Variants in TRAF6 observed in about 807,000 individuals in gnomAD.
TRAF6 encodes the protein TNF receptor associated factor 6.
Under a neutral mutation model 48.4 loss-of-function variants are expected in TRAF6, and 10 were observed. That is an observed-to-expected ratio of 0.21 (90% CI 0.13 to 0.35). The LOEUF (loss-of-function observed/expected upper bound fraction) is 0.35, where lower values mean the gene tolerates loss of function less well. TRAF6 is among the 10% of genes least tolerant of loss of function. The pLI is 1.00. For synonymous variants in TRAF6, 186 were observed against 219.6 expected, an observed-to-expected ratio of 0.85 and a Z score of 1.35; for missense variants, 397 against 661.0, an observed-to-expected ratio of 0.60 and a Z score of 4.38.
In TRAF6 at chr11:36,498,617, A is replaced by G; in HGVS notation, c.320T>C (p.Val107Ala). The G allele has an allele frequency of 1.9e-6, 3 of 1,613,042 alleles. No homozygotes were observed. Among genetic ancestry groups the G allele is most frequent in the South Asian group, 1.1e-5 (1 of 90,834 alleles). Residue 107 changes from valine to alanine, a missense_variant, in exon 3 of 7, where the codon GTT (valine) becomes GCT (alanine). Physicochemically the swap from Val to Ala is moderately conservative, Grantham distance 64. Coordinates refer to ENST00000526995, the MANE Select transcript of TRAF6 (RefSeq NM_004620.4). Reference protein sequence around the residue: ...SIRDAGHKCPVDNEILLENQL... With the variant: ...SIRDAGHKCPADNEILLENQL... ...ATTTTCCAGCAGTATTTCATTGTCA[A>G]CTGGACATTTGTGACCTGCATCCCT...
rs1859527430 is a variant in TRAF6, at chr11:36,489,118, T to A, written c.*720A>T. On this transcript the variant is annotated 3_prime_UTR_variant, in exon 7 of 7. Transcript: ENST00000526995. ...CCACGTGGTTCTCAGCATTATAAAC[T>A]CTGGGGAAGATGCTACTTCGTAACC... is the stretch of plus-strand genomic sequence containing the variant. 6.6e-6 allele frequency: 1 copy of A among 152,336 alleles called. No homozygotes were observed. Among genetic ancestry groups the A allele is most frequent in the African/African-American group, 2.4e-5 (1 of 41,440 alleles). The allele number at this position is 152,336 out of a possible 1,614,324, so 9.4% of individuals were successfully genotyped here.
chr11:36,491,688 T>TAGA (rs200798752), intron 6 of TRAF6, among the ~76,000 whole-genome samples: 1,707 of 152,326 alleles, frequency 0.011, 19 homozygotes, highest in East Asian at 0.02. Flanking sequence ...ATCTGTTTCT[T>TAGA]ATACTGTTTG....
At chr11:36,507,724 T>C (rs562806883) in intron 1 of TRAF6, among the ~76,000 whole-genome samples, 5 of 129,658 alleles carry the variant, frequency 3.9e-5, no homozygotes, top group African/African-American at 1.4e-4. Context: ...CACGCGCGTG[T>C]ATATATGTAT....
chr11:36,508,091 C>T (rs560195637), intron 1 of TRAF6, among the ~76,000 whole-genome samples: 22 of 152,052 alleles, frequency 1.4e-4, no homozygotes, highest in African/African-American at 5.3e-4. Context: ...TATCCTCCCA[C>T]CTCAGCCTCC....
At position 36,490,276 on chromosome 11, in the gene TRAF6, G is replaced by A; in HGVS notation, c.1131C>T (p.Ser377=). Residue 377 remains serine (S), a synonymous_variant, in exon 7 of 7, where the codon AGC becomes AGT. Transcript: ENST00000526995. The surrounding 1 kb of genome is among the most constrained non-coding windows in gnomAD (Gnocchi z 6.4). ...CGGGTTTGCCAGTGTAGAATCCAGG[G>A]CTATGAATCACAACAGGTTTCTCCT... The part of the protein sequence containing the change: ...QEEEKPVVIH[S]PGFYTGKPGY... 1.2e-6 allele frequency: 2 copies of A among 1,614,204 alleles called. No individual in the cohort carries two copies. Among genetic ancestry groups the A allele is most frequent in the Non-Finnish European group, 1.7e-6 (2 of 1,180,040 alleles).
intron 1 of TRAF6, 55 bp from the exon 2 acceptor site, chr11:36,501,592 C>CCACACATATATA: frequency 7.8e-7 from 1 of 1,276,168 alleles, no homozygotes; most frequent in South Asian, 1.5e-5. Context: ...CACTCACACC[C>CCACACATATATA]CACACATATA....
At chr11:36,494,230 C>A (rs539259836) in intron 5 of TRAF6, among the ~76,000 whole-genome samples, 2 of 151,936 alleles carry the variant, frequency 1.3e-5, no homozygotes, top group African/African-American at 4.8e-5. Flanking sequence ...AAAAATTAGC[C>A]GGGCATGGTG....
At position 36,485,579 on chromosome 11, in the gene TRAF6, GAA is replaced by G. The variant is rs34071999; in HGVS notation, c.*4257_*4258del. 0.73 allele frequency among the ~76,000 whole-genome samples: 111,078 copies of G among 151,940 alleles called. 43,438 individuals are homozygous for G. Among genetic ancestry groups the G allele is most frequent in the East Asian group, 0.94 (4,842 of 5,168 alleles). ...CTGCTGAGAAAGCACTCTGAGAGAA[GAA>G]AAGCAGCACCACATCTCTCATTTCC... On this transcript the variant is annotated 3_prime_UTR_variant, in exon 7 of 7. Transcript: ENST00000526995.
At chr11:36,506,192 G>C (rs931668749) in intron 1 of TRAF6, among the ~76,000 whole-genome samples, 13 of 151,446 alleles carry the variant, frequency 8.6e-5, no homozygotes, top group African/African-American at 2.7e-4. Flanking sequence ...GCTATAAAAT[G>C]AGGTATATCT....
In TRAF6 at chr11:36,501,267, C is replaced by T. The variant is rs565099358; in HGVS notation, c.249G>A (p.Thr83=). The T allele has an allele frequency of 8.7e-6, 14 of 1,612,812 alleles. No homozygotes were observed. In the East Asian group the frequency reaches 1.1e-4, roughly 13 times the overall value. Residue 83 remains threonine (T), a synonymous_variant, in exon 2 of 7, where the codon ACG becomes ACA. Transcript: ENST00000526995. ...CTTTGCAGAACCTATGGCCGCATGG[C>T]GTTTGCACTGCTTCTCGTAATGCCA... is the stretch of plus-strand genomic sequence containing the variant. ...CLMALREAVQ[T]PCGHRFCKAC... is the part of the protein sequence containing the mutation.
At chr11:36,503,571 C>G (rs907265916) in intron 1 of TRAF6, among the ~76,000 whole-genome samples, 1 of 152,146 alleles carries the variant, frequency 6.6e-6, no homozygotes, top group East Asian at 1.9e-4. Flanking sequence ...CACGAACCCC[C>G]GAGCCCGGCT....
rs1859537871 is a variant in TRAF6, at chr11:36,489,858, T to C, written c.1549A>G (p.Ser517Gly). ...GCAAGCTATACCCCTGCATCAGTAC[T>C]TCGTGGCTGAAAACCCTCCCTCCGA... ...SLRREGFQPR[S>G]TDAGV The change falls in exon 7 of 7, where the codon AGT (serine) becomes GGT (glycine). Residue 517 changes from serine to glycine, a missense_variant. Ser to Gly is a moderately conservative substitution (Grantham distance 56, BLOSUM62 0). Around this residue, in one of 4 missense-constraint regions of TRAF6, gnomAD observed 74 missense variants for 198.9 expected, o/e 0.37. Transcript: ENST00000526995. 6.2e-7 allele frequency: 1 copy of C among 1,613,924 alleles called. No individual in the cohort carries two copies. Among genetic ancestry groups the C allele is most frequent in the East Asian group, 2.2e-5 (1 of 44,882 alleles).
At chr11:36,508,139 G>A (rs985411165) in intron 1 of TRAF6, among the ~76,000 whole-genome samples, 1 of 152,026 alleles carries the variant, frequency 6.6e-6, no homozygotes, top group Admixed American at 6.6e-5. Flanking sequence ...CATTATGCCA[G>A]GCCTAAAATA....
rs932075334 is a variant in TRAF6 at position 36,486,660 on chromosome 11, A to C, written c.*3178T>G. Among the ~76,000 whole-genome samples, 7 of 152,182 alleles carry C rather than the reference A, an allele frequency of 4.6e-5. No homozygotes were observed. Among genetic ancestry groups the C allele is most frequent in the Non-Finnish European group, 1.0e-4 (7 of 68,032 alleles). On this transcript the variant is annotated 3_prime_UTR_variant, in exon 7 of 7. Transcript: ENST00000526995. ...TTCTACTATTTATCCCCAAAATAAA[A>C]GTTAAATCATATTGTAGTATACCAA...
rs1859460122 is a variant in TRAF6, at chr11:36,484,868, C to T, written c.*4970G>A. Among the ~76,000 whole-genome samples the T allele has an allele frequency of 6.6e-6, 1 of 152,126 alleles. No individual in the cohort carries two copies. Among genetic ancestry groups the T allele is most frequent in the African/African-American group, 2.4e-5 (1 of 41,436 alleles). Reference sequence around the variant, plus strand: ...CAAGGACCTTCAAATAAATCCATTACAAAAAATACCCCTTCAGGCAAAATA... The same window carrying T: ...CAAGGACCTTCAAATAAATCCATTATAAAAAATACCCCTTCAGGCAAAATA... On this transcript the variant is annotated 3_prime_UTR_variant, in exon 7 of 7. Transcript: ENST00000526995.
At chr11:36,504,750 C>T (rs1042246594) in intron 1 of TRAF6, among the ~76,000 whole-genome samples, 11 of 152,292 alleles carry the variant, frequency 7.2e-5, no homozygotes, top group South Asian at 2.1e-4. Flanking sequence ...TCTATGGCAG[C>T]TATAGCCTTA....
intron 4 of TRAF6, among the ~76,000 whole-genome samples, chr11:36,495,611 G>C (rs139215026): frequency 7.9e-5 from 12 of 152,086 alleles, no homozygotes; most frequent in Middle Eastern, 3.4e-3. Flanking sequence ...AGGAGTTGTC[G>C]GGCCGGGCGT....
chr11:36,492,249 T>C (rs954266567), intron 6 of TRAF6, among the ~76,000 whole-genome samples: 11 of 152,226 alleles, frequency 7.2e-5, no homozygotes, highest in African/African-American at 2.7e-4. Flanking sequence ...AAACTACTTG[T>C]AGTTCCTCAA....
intron 1 of TRAF6, among the ~76,000 whole-genome samples, chr11:36,503,518 A>C (rs534651681): frequency 6.6e-6 from 1 of 152,192 alleles, no homozygotes; most frequent in East Asian, 1.9e-4. Context: ...CCTCACCTCA[A>C]ACGATCCACC....
Sources: gnomAD v4.1 joint callset for allele counts (sites outside exome capture counted in the v4.1 genomes callset) on GRCh38, gnomAD v4.1.1 for gene constraint, gnomAD v4.1.1 regional missense constraint, Gnocchi (gnomAD v3.1) non-coding constraint, MANE v1.5 for transcripts, NCBI Gene and HGNC (gene_info 2026-07-23, HGNC 2026-07-21) for gene names.